ANO1: variants seen among roughly 807,000 people sequenced by gnomAD.
The protein encoded by ANO1 is anoctamin-1.
In ANO1, 59 loss-of-function variants were observed where a neutral mutation model predicts 124.0. The observed-to-expected ratio is 0.48, with a 90% CI of 0.39 to 0.59. The LOEUF (loss-of-function observed/expected upper bound fraction) is 0.59. Ranked by LOEUF, ANO1 falls within the 20% of genes least tolerant of loss-of-function variation. The probability of loss-of-function intolerance (pLI) is 0.00; values close to 1 mark genes in which losing one functional copy is unlikely to be tolerated. For synonymous variants in ANO1, 529 were observed against 532.0 expected (o/e 0.99, Z 0.08); for missense variants, 1,059 against 1,328.0 (o/e 0.80, Z 3.15).
chr11:70,167,461 G>T, intron 21 of ANO1, 74 bp downstream of exon 21: 1 of 1,525,520 alleles, frequency 6.6e-7, no homozygotes. Flanking sequence ...GTGGGGAAGG[G>T]CTGCAGGGGC....
chr11:70,132,431 C>G (rs1326906561), intron 11 of ANO1, among the ~76,000 whole-genome samples: 1 of 152,162 alleles, frequency 6.6e-6, no homozygotes, highest in East Asian at 1.9e-4. Context: ...CTGCAGCTGG[C>G]GACCACCACA....
At chr11:69,981,679 G>T (rs556142056), upstream of ANO1, among the ~76,000 whole-genome samples, 1 of 152,186 alleles carries the variant, frequency 6.6e-6, no homozygotes, top group Non-Finnish European at 1.5e-5. Flanking sequence ...CTCCTCTCCC[G>T]CTAGCCCTGC....
chr11:70,081,587 G>A (rs77600311), intron 1 of ANO1, among the ~76,000 whole-genome samples: 3,309 of 152,306 alleles, frequency 0.022, 113 homozygotes, highest in African/African-American at 0.075. Flanking sequence ...TTCAGAGAAA[G>A]TGAACATTGT....
intron 24 of ANO1, among the ~76,000 whole-genome samples, chr11:70,184,099 G>T (rs2049022235): frequency 6.6e-6 from 1 of 152,184 alleles, no homozygotes; most frequent in Non-Finnish European, 1.5e-5. Context: ...TGACCAACAG[G>T]GGCACAAACG....
chr11:70,124,144 G>A (rs2046396905), intron 8 of ANO1, among the ~76,000 whole-genome samples: 1 of 152,102 alleles, frequency 6.6e-6, no homozygotes, highest in South Asian at 2.1e-4. Context: ...TCAATTCCAG[G>A]TCAAATCACA....
intron 1 of ANO1, among the ~76,000 whole-genome samples, chr11:70,051,448 T>C (rs1230290200): frequency 2.0e-5 from 3 of 152,246 alleles, no homozygotes; most frequent in African/African-American, 7.2e-5. Flanking sequence ...CTTCAGGAGT[T>C]GCTGCCAAGT....
At chr11:70,066,918 A>G (rs1006490832) in intron 1 of ANO1, among the ~76,000 whole-genome samples, 3 of 152,194 alleles carry the variant, frequency 2.0e-5, no homozygotes, top group Non-Finnish European at 1.5e-5. Context: ...CCCCACTCCC[A>G]GGCCCATGCA....
chr11:70,170,754 G>A (rs1345550423), intron 21 of ANO1, 133 bp from the exon 22 acceptor site: 3 of 1,055,978 alleles, frequency 2.8e-6, no homozygotes, highest in Admixed American at 5.2e-5. Context: ...TCTGCAGGTG[G>A]GGTCCATGCA....
At chr11:69,994,989 G>A (rs1248347855) in intron 1 of ANO1, among the ~76,000 whole-genome samples, 4 of 152,094 alleles carry the variant, frequency 2.6e-5, no homozygotes, top group African/African-American at 9.7e-5. Context: ...TTATTGCAAA[G>A]ATAGTACAGA....
the ANO1 span, among the ~76,000 whole-genome samples, chr11:69,966,131 G>A: frequency 3.9e-5 from 6 of 152,336 alleles, no homozygotes; most frequent in Middle Eastern, 3.4e-3. Context: ...GGGTGGCCCC[G>A]CAATGGAAGT....
chr11:70,039,235 A>T (rs73522237), intron 1 of ANO1, among the ~76,000 whole-genome samples: 19,037 of 152,156 alleles, frequency 0.13, 1,544 homozygotes, highest in African/African-American at 0.21. Flanking sequence ...TCATGCTTAA[A>T]CACTGGAAAG....
At chr11:70,108,885 C>T (rs2045663314) in intron 6 of ANO1, among the ~76,000 whole-genome samples, 2 of 152,204 alleles carry the variant, frequency 1.3e-5, no homozygotes, top group Non-Finnish European at 2.9e-5. Flanking sequence ...CCGGAAGCTG[C>T]CACAAAACCA....
intron 7 of ANO1, among the ~76,000 whole-genome samples, chr11:70,116,058 G>A (rs2045962710): frequency 1.3e-5 from 2 of 152,188 alleles, no homozygotes; most frequent in African/African-American, 2.4e-5. Context: ...CAGTGAGAAG[G>A]GAGCAAGACA....
At chr11:70,061,725 C>T (rs782540293) in intron 1 of ANO1, among the ~76,000 whole-genome samples, 1 of 152,124 alleles carries the variant, frequency 6.6e-6, no homozygotes, top group Non-Finnish European at 1.5e-5. Flanking sequence ...CAGAGCTCCC[C>T]ATGATGCTTC....
intron 1 of ANO1, among the ~76,000 whole-genome samples, chr11:70,063,360 A>G (rs572601798): frequency 2.0e-4 from 30 of 152,296 alleles, no homozygotes; most frequent in Admixed American, 1.9e-3. Flanking sequence ...TATCAGAACA[A>G]TCCCAATCCC....
intron 1 of ANO1, chr11:70,014,724 G>T (rs75485726): frequency 6.6e-6 from 1 of 152,142 alleles, no homozygotes; most frequent in African/African-American, 2.4e-5. Context: ...ATACCTCGCC[G>T]TTTTCCAAAG....
At chr11:69,966,025 G>T in the ANO1 span, among the ~76,000 whole-genome samples, 1 of 152,128 alleles carries the variant, frequency 6.6e-6, no homozygotes, top group Admixed American at 6.5e-5. Context: ...TCATGAGATG[G>T]AGATATACAG....
At chr11:69,984,901 CT>C (rs1565153856), upstream of ANO1, among the ~76,000 whole-genome samples, 1 of 152,246 alleles carries the variant, frequency 6.6e-6, no homozygotes, top group Non-Finnish European at 1.5e-5. Flanking sequence ...CACGGAGCCA[CT>C]TAGCATTCTG....
At chr11:70,100,212 G>A (rs997835473) in intron 2 of ANO1, among the ~76,000 whole-genome samples, 14 of 152,174 alleles carry the variant, frequency 9.2e-5, no homozygotes, top group African/African-American at 2.9e-4. Context: ...CTGCAGGACC[G>A]CAACCTGCAG....
Sources: gnomAD v4.1 joint callset for allele counts (sites outside exome capture counted in the v4.1 genomes callset) on GRCh38, gnomAD v4.1.1 for gene constraint, MANE v1.5 for transcripts, NCBI Gene and HGNC (gene_info 2026-07-23, HGNC 2026-07-21) for gene names.